WIPI2: variants seen among roughly 807,000 people sequenced by gnomAD.
The protein encoded by WIPI2 is WD repeat domain phosphoinositide-interacting protein 2.
A neutral mutation model predicts 52.3 loss-of-function variants in WIPI2; 28 were observed. The ratio of observed to expected loss-of-function variants is 0.54; its 90% CI spans 0.40 to 0.73. The LOEUF (loss-of-function observed/expected upper bound fraction) is 0.73. Among genes scored for constraint, WIPI2 ranks in the 30% least tolerant of loss-of-function variants. The pLI is 0.00. For missense variants in WIPI2, 506 were observed against 602.9 expected, an observed-to-expected ratio of 0.84 and a Z score of 1.68; for synonymous variants, 268 against 245.0, an observed-to-expected ratio of 1.09 and a Z score of -0.88.
Position 5,228,139 on chromosome 7 carries a change from C to T in WIPI2, c.1049C>T (p.Ala350Val). The change falls in exon 11 of 13, where the codon GCC becomes GTC. Residue 350 changes from alanine to valine, a missense_variant. Transcript: ENST00000288828. ...QKIPRLLVGA[A>V]DGYLYMYNLD... ...ATCCCGCGGTTGTTGGTGGGTGCCG[C>T]CGACGGGTACCTGTACATGTACAAC... The T allele has an allele frequency of 2.5e-6, 4 of 1,613,944 alleles. No individual in the cohort carries two copies. Among genetic ancestry groups the T allele is most frequent in the Non-Finnish European group, 3.4e-6 (4 of 1,180,014 alleles).
intron 9 of WIPI2, 85 bp downstream of exon 9, chr7:5,226,015 C>G (rs1342020722): frequency 5.3e-6 from 7 of 1,318,100 alleles, no homozygotes; most frequent in East Asian, 5.0e-5. Context: ...AAGCACGGAC[C>G]CGCCCACCCT....
intron 4 of WIPI2, among the ~76,000 whole-genome samples, chr7:5,215,147 C>G (rs578068935): frequency 1.1e-3 from 170 of 152,306 alleles, no homozygotes; most frequent in African/African-American, 4.0e-3. Context: ...CCCGTCTCTA[C>G]TAAAAATACA....
At position 5,216,664 on chromosome 7, in the gene WIPI2, G is replaced by A. The variant is rs1175311270; in HGVS notation, c.478+5G>A. The A allele has an allele frequency of 1.2e-6, 2 of 1,613,902 alleles. No homozygotes were observed. The highest frequency in any genetic ancestry group is 1.7e-5 in the Admixed American group (1 of 60,006). ...AGACGCCTCCAAACCCTGCAGGTGA[G>A]CTAACTTGTGAGGAGAGAATCCCAT... On this transcript the variant is annotated splice_donor_5th_base_variant and intron_variant, in intron 5 of 12. Coordinates refer to ENST00000288828, the MANE Select transcript of WIPI2 (RefSeq NM_015610.4).
At chr7:5,208,835 A>G (rs1782418352) in intron 3 of WIPI2, among the ~76,000 whole-genome samples, 2 of 152,050 alleles carry the variant, frequency 1.3e-5, no homozygotes, top group South Asian at 4.2e-4. Flanking sequence ...TTTCCTTTCC[A>G]TATAAAATTT....
Position 5,225,924 on chromosome 7 carries a change from A to G in WIPI2, c.842A>G (p.Lys281Arg). The change falls in exon 9 of 13, where the codon AAA becomes AGA. Residue 281 changes from lysine to arginine, a missense_variant. By Grantham distance (26) the Lys-to-Arg change is conservative. This residue lies in a region of WIPI2 where 237 missense variants were observed against 346.9 expected (regional missense o/e 0.68). Transcript: ENST00000288828. ...CACATCTTCAAACTCGAGACTGTGA[A>G]AGAAAAGTGAGTTGCAAATATACGT... ...TVHIFKLETVKEKPPEEPTTW... is the reference protein window; with the variant it reads ...TVHIFKLETVREKPPEEPTTW... 6.2e-7 allele frequency: 1 copy of G among 1,613,256 alleles called. No homozygotes were observed. The highest frequency in any genetic ancestry group is 8.5e-7 in the Non-Finnish European group (1 of 1,179,648).
In WIPI2 at chr7:5,232,006, A is replaced by C. The variant is rs1181436487; in HGVS notation, c.*1059A>C. On this transcript the variant is annotated 3_prime_UTR_variant, in exon 13 of 13. Coordinates refer to ENST00000288828, the MANE Select transcript of WIPI2 (RefSeq NM_015610.4). ...CAAACCGATGAGAGATTGTGGTTGC[A>C]AGCTTCAGTATTTGCCTCGCTTCCC... 4 of 374,666 alleles carry C rather than the reference A, an allele frequency of 1.1e-5. No homozygotes were observed. The highest frequency in any genetic ancestry group is 1.8e-5 in the Non-Finnish European group (4 of 219,262). 23.2% of individuals were successfully genotyped at this position (374,666 alleles called of 1,614,324 possible).
Position 5,222,896 on chromosome 7 carries a change from G to A in WIPI2, c.740+224G>A, listed in dbSNP as rs190430630. The A allele has an allele frequency of 1.7e-3, 776 of 464,300 alleles. 2 individuals carry two copies. The highest frequency in any genetic ancestry group is 2.6e-3 in the Non-Finnish European group (655 of 253,292). The allele number at this position is 464,300 out of a possible 1,614,324, so 28.8% of individuals were successfully genotyped here. On this transcript the variant is annotated intron_variant, in intron 8 of 12. Transcript: ENST00000288828. Reference sequence around the variant, plus strand: ...TTTGTTTGCGATCCCACCAGCTAGCGTGAGAGTTGTGAAGAGCTCACGCAA... The same window carrying A: ...TTTGTTTGCGATCCCACCAGCTAGCATGAGAGTTGTGAAGAGCTCACGCAA...
At chr7:5,212,176 A>G (rs184480550) in intron 3 of WIPI2, among the ~76,000 whole-genome samples, 8 of 152,262 alleles carry the variant, frequency 5.3e-5, no homozygotes, top group Admixed American at 2.0e-4. Context: ...CTCGTCTATG[A>G]CAGGCGACAT....
At chr7:5,203,938 T>C (rs1019069415) in intron 3 of WIPI2, among the ~76,000 whole-genome samples, 3 of 152,158 alleles carry the variant, frequency 2.0e-5, no homozygotes, top group African/African-American at 7.2e-5. Context: ...CAGTCTTTCT[T>C]AGTGTCAGCG....
intron 3 of WIPI2, among the ~76,000 whole-genome samples, chr7:5,208,963 T>C (rs529767830): frequency 4.2e-4 from 64 of 152,058 alleles, no homozygotes; most frequent in African/African-American, 1.5e-3. Context: ...ATATGGTATA[T>C]CTCTTCATTT....
chr7:5,216,825 C>G, intron 5 of WIPI2, 166 bp downstream of exon 5: 4 of 718,638 alleles, frequency 5.6e-6, no homozygotes, highest in Non-Finnish European at 9.1e-6. Flanking sequence ...GTCATGTGAC[C>G]ACATAAGCTC....
chr7:5,216,556 C>T lies in WIPI2; in HGVS notation c.382-7C>T, dbSNP rs912140798. Reference sequence around the variant, plus strand: ...TCACGTTTGGTTTCGTTTTGTCTCTCGCCTAGAGGCTGATAGTATGCCTGG... The same window carrying T: ...TCACGTTTGGTTTCGTTTTGTCTCTTGCCTAGAGGCTGATAGTATGCCTGG... On this transcript the variant is annotated splice_region_variant and splice_polypyrimidine_tract_variant and intron_variant, in intron 4 of 12. Transcript: ENST00000288828. 6.2e-6 allele frequency: 10 copies of T among 1,613,912 alleles called. No homozygotes were observed. Among genetic ancestry groups the T allele is most frequent in the African/African-American group, 1.3e-5 (1 of 75,038 alleles).
In WIPI2 at chr7:5,233,469, T is replaced by C. The variant is rs1783823804; in HGVS notation, c.*2522T>C. ...ACTCATATTCATTTTTAAATTGTAT[T>C]TTTCCAAACTTCAAAAAGGACGATG... is the stretch of plus-strand genomic sequence containing the variant. On this transcript the variant is annotated 3_prime_UTR_variant, in exon 13 of 13. Coordinates refer to ENST00000288828, the MANE Select transcript of WIPI2 (RefSeq NM_015610.4). 6.6e-6 allele frequency: 1 copy of C among 152,430 alleles called. No individual in the cohort carries two copies. Among genetic ancestry groups the C allele is most frequent in the Admixed American group, 6.5e-5 (1 of 15,272 alleles). The allele number at this position is 152,430 out of a possible 1,614,324, so 9.4% of individuals were successfully genotyped here. A position where few individuals can be genotyped will look rare whatever the true frequency, so the allele number is the denominator to read the frequency against.
At chr7:5,202,464 C>T (rs1024633680) in intron 3 of WIPI2, among the ~76,000 whole-genome samples, 1 of 152,050 alleles carries the variant, frequency 6.6e-6, no homozygotes, top group African/African-American at 2.4e-5. Flanking sequence ...GCTCACTGTA[C>T]CCTTGACCTC....
In WIPI2 at chr7:5,227,687, T is replaced by C. The variant is rs1378385991; in HGVS notation, c.1013+343T>C. ...CAGGCATCCGTCCGGCTCCAGGGTC[T>C]GGCCTCAGAACACACACAGGGCCTG... On this transcript the variant is annotated intron_variant, in intron 10 of 12. Coordinates refer to ENST00000288828, the MANE Select transcript of WIPI2 (RefSeq NM_015610.4). This position sits in a 1 kb window ranked among gnomAD's most constrained non-coding sequence, Gnocchi z 8.1. 1.3e-5 allele frequency among the ~76,000 whole-genome samples: 2 copies of C among 152,232 alleles called. No individual in the cohort carries two copies. Among genetic ancestry groups the C allele is most frequent in the African/African-American group, 4.8e-5 (2 of 41,470 alleles).
chr7:5,204,295 C>T (rs1199648591), intron 3 of WIPI2, among the ~76,000 whole-genome samples: 1 of 152,058 alleles, frequency 6.6e-6, no homozygotes, highest in African/African-American at 2.4e-5. Context: ...GGTGAAACCG[C>T]GCCTCTACTA....
At position 5,214,237 on chromosome 7, in the gene WIPI2, T is replaced by C. The variant is rs1782700311; in HGVS notation, c.212-298T>C. 5 of 1,328,770 alleles carry C rather than the reference T, an allele frequency of 3.8e-6. No individual in the cohort carries two copies. In the Admixed American group the frequency reaches 1.2e-4, roughly 33 times the overall value. 82.3% of individuals were successfully genotyped at this position (1,328,770 alleles called of 1,614,324 possible). A position where few individuals can be genotyped will look rare whatever the true frequency, so the allele number is the denominator to read the frequency against. On this transcript the variant is annotated intron_variant, in intron 3 of 12. Transcript: ENST00000288828. ...TTACTCTTTCACTTTACCTAGGAGT[T>C]TGGTTCCTAAACTCACCATTCAAAT... is the stretch of plus-strand genomic sequence containing the variant.
Position 5,225,812 on chromosome 7 carries a change from C to T in WIPI2, c.741-11C>T, listed in dbSNP as rs145714126. 4.0e-4 allele frequency: 633 copies of T among 1,599,222 alleles called. 7 individuals carry two copies. The East Asian group carries it at 9.5e-3, about 24-fold the overall frequency. On this transcript the variant is annotated splice_polypyrimidine_tract_variant and intron_variant, in intron 8 of 12. Transcript: ENST00000288828. ...CTCCGGTGGCCCGCCCCAACCTGTG[C>T]GTCTCCCCAGGTGCGTGAGCATCTG...
At chr7:5,221,279 T>C (rs1783115213) in intron 7 of WIPI2, among the ~76,000 whole-genome samples, 3 of 152,084 alleles carry the variant, frequency 2.0e-5, no homozygotes, top group Admixed American at 2.0e-4. Context: ...GCTAATTCTT[T>C]TGTATTTTAG....
Sources: gnomAD v4.1 joint callset for allele counts (sites outside exome capture counted in the v4.1 genomes callset) on GRCh38, gnomAD v4.1.1 for gene constraint, gnomAD v4.1.1 regional missense constraint, Gnocchi (gnomAD v3.1) non-coding constraint, MANE v1.5 for transcripts, NCBI Gene and HGNC (gene_info 2026-07-23, HGNC 2026-07-21) for gene names.